The following CRYZL1 variants were observed in gnomAD, a reference collection of about 807,000 sequenced individuals.
CRYZL1 encodes the protein crystallin zeta like 1, also known as ferry endosomal RAB5 effector complex subunit 4.
CRYZL1 carries 34 observed loss-of-function variants against 50.6 expected under a neutral mutation model. That is an observed-to-expected ratio of 0.67 (90% CI 0.51 to 0.89). The LOEUF (loss-of-function observed/expected upper bound fraction) is 0.89. CRYZL1 is among the 40% of genes least tolerant of loss of function. The probability of loss-of-function intolerance (pLI) is 0.00; values close to 1 mark genes in which losing one functional copy is unlikely to be tolerated. For synonymous variants in CRYZL1, 125 were observed against 134.3 expected (o/e 0.93, Z 0.48); for missense variants, 354 against 402.3 (o/e 0.88, Z 1.03).
chr21:33,640,106 G>T, intron 1 of CRYZL1: 1 of 1,537,870 alleles, frequency 6.5e-7, no homozygotes, highest in Non-Finnish European at 8.7e-7. Flanking sequence ...GATTACAGGC[G>T]TGAGCCACCA....
Position 33,613,556 on chromosome 21 carries a change from C to T in CRYZL1, c.313G>A (p.Val105Ile). ...EDPGLCEVVR[V>I]HEHYLVHKPE... is the part of the protein sequence containing the mutation. The stretch of plus-strand genomic sequence containing the variant: ...TACATACCCAAGTAATGCTCATGTA[C>T]TCTAACAACTTCACAAAGTCCAGGG... The change falls in exon 6 of 13, where the codon GTA (valine) becomes ATA (isoleucine). Residue 105 changes from valine (V) to isoleucine (I), a missense_variant. By Grantham distance (29) the Val-to-Ile change is conservative. Coordinates refer to ENST00000381554, the MANE Select transcript of CRYZL1 (RefSeq NM_145858.3). The T allele has an allele frequency of 6.2e-7, 1 of 1,612,422 alleles. No individual in the cohort carries two copies.
intron 1 of CRYZL1, among the ~76,000 whole-genome samples, chr21:33,632,549 TG>T (rs2087154011): frequency 6.6e-6 from 1 of 151,726 alleles, no homozygotes; most frequent in Non-Finnish European, 1.5e-5. Flanking sequence ...GGCTAAATTT[TG>T]TATTTTTAGT....
intron 2 of CRYZL1, among the ~76,000 whole-genome samples, chr21:33,629,188 G>A (rs2087108368): frequency 6.6e-6 from 1 of 152,128 alleles, no homozygotes; most frequent in Non-Finnish European, 1.5e-5. Flanking sequence ...TTGCGCCACT[G>A]TATTCCAGTG....
chr21:33,626,831 A>T, intron 2 of CRYZL1, among the ~76,000 whole-genome samples: 1 of 152,212 alleles, frequency 6.6e-6, no homozygotes, highest in South Asian at 2.1e-4. Flanking sequence ...ACTAATAATT[A>T]AATCAGTCTC....
At chr21:33,635,812 C>G (rs974086272) in intron 1 of CRYZL1, among the ~76,000 whole-genome samples, 8 of 151,836 alleles carry the variant, frequency 5.3e-5, no homozygotes, top group Non-Finnish European at 8.8e-5. Context: ...GAAATCCTGT[C>G]TCTACTAAAA....
chr21:33,625,157 G>A (rs1411722026), intron 2 of CRYZL1, among the ~76,000 whole-genome samples: 2 of 150,840 alleles, frequency 1.3e-5, no homozygotes, highest in African/African-American at 4.9e-5. Flanking sequence ...AACCTTTACT[G>A]ATTTTTTTTT....
At chr21:33,616,599 T>C in intron 5 of CRYZL1, 107 bp downstream of exon 5, 1 of 1,576,570 alleles carries the variant, frequency 6.3e-7, no homozygotes, top group Non-Finnish European at 8.6e-7. Context: ...GCCGGGAAAG[T>C]ACTTCTATAT....
In CRYZL1 at chr21:33,599,180, G is replaced by GGCC. The variant is rs1370986168; in HGVS notation, c.643_645dup (p.Gly215dup). ...GCATCTAGGACAATATCTACTCCCAGGCCACCTGTTTCTTCCAAACAGCTT... is the reference window on the plus strand; with the variant it reads ...GCATCTAGGACAATATCTACTCCCAGGCCGCCACCTGTTTCTTCCAAACAGCTT... On this transcript the variant is annotated inframe_insertion, in exon 9 of 13. Coordinates refer to ENST00000381554, the MANE Select transcript of CRYZL1 (RefSeq NM_145858.3). 1 of 1,613,942 alleles carries GGCC rather than the reference G, an allele frequency of 6.2e-7. No homozygotes were observed. The highest frequency in any genetic ancestry group is 2.2e-5 in the East Asian group (1 of 44,864).
At chr21:33,638,236 G>A (rs1451217477) in intron 1 of CRYZL1, among the ~76,000 whole-genome samples, 2 of 136,872 alleles carry the variant, frequency 1.5e-5, no homozygotes, top group African/African-American at 5.7e-5. Flanking sequence ...TTTTTGATAC[G>A]GAGTTTTGCT....
chr21:33,598,049 T>C (rs1478701159), intron 9 of CRYZL1, among the ~76,000 whole-genome samples: 3 of 152,208 alleles, frequency 2.0e-5, no homozygotes, highest in Admixed American at 2.0e-4. Context: ...TTGTAATTTA[T>C]TGTAAATCTA....
intron 5 of CRYZL1, 98 bp downstream of exon 5, chr21:33,616,608 A>G (rs1483504161): frequency 1.9e-6 from 3 of 1,587,198 alleles, no homozygotes; most frequent in Non-Finnish European, 2.6e-6. Context: ...GTACTTCTAT[A>G]TGAAGCAAGG....
chr21:33,613,415 T>G (rs1384655327), intron 6 of CRYZL1, 123 bp downstream of exon 6: 1 of 624,208 alleles, frequency 1.6e-6, no homozygotes, highest in Admixed American at 2.9e-5. Context: ...CATACATGAC[T>G]GGCTAATGAT....
At chr21:33,595,321 G>A in intron 11 of CRYZL1, 2 of 1,126,754 alleles carry the variant, frequency 1.8e-6, no homozygotes, top group Non-Finnish European at 2.3e-6. Flanking sequence ...AAATGTTTCT[G>A]TGCAATGGCA....
intron 1 of CRYZL1, among the ~76,000 whole-genome samples, chr21:33,633,113 G>A (rs2087160543): frequency 6.6e-6 from 1 of 152,160 alleles, no homozygotes; most frequent in Non-Finnish European, 1.5e-5. Flanking sequence ...TAAACAAATT[G>A]CTATTTATCC....
In CRYZL1 at chr21:33,589,669, T is replaced by A; in HGVS notation, c.*153A>T. On this transcript the variant is annotated 3_prime_UTR_variant, in exon 13 of 13. Transcript: ENST00000381554. Reference sequence around the variant, plus strand: ...AAGAATTTTTCAAACACTTTTCAAATGTGTCAACTGAGCATCTTGTCTTAG... The same window carrying A: ...AAGAATTTTTCAAACACTTTTCAAAAGTGTCAACTGAGCATCTTGTCTTAG... 1.7e-6 allele frequency: 1 copy of A among 589,072 alleles called. No individual in the cohort carries two copies. Among genetic ancestry groups the A allele is most frequent in the East Asian group, 2.9e-5 (1 of 34,458 alleles). The allele number at this position is 589,072 out of a possible 1,614,324, so 36.5% of individuals were successfully genotyped here. A position where few individuals can be genotyped will look rare whatever the true frequency, so the allele number is the denominator to read the frequency against.
At chr21:33,609,801 C>T (rs2086850562) in intron 6 of CRYZL1, among the ~76,000 whole-genome samples, 1 of 151,398 alleles carries the variant, frequency 6.6e-6, no homozygotes, top group African/African-American at 2.4e-5. Flanking sequence ...CTCCCAGGTT[C>T]ACGCCATTCT....
chr21:33,597,011 A>G (rs193107592), intron 10 of CRYZL1, among the ~76,000 whole-genome samples: 22 of 152,120 alleles, frequency 1.4e-4, no homozygotes, highest in African/African-American at 4.3e-4. Flanking sequence ...CTGGGAATAT[A>G]AGCCTGTGCC....
chr21:33,599,125 G>C (rs770828350), intron 9 of CRYZL1, 25 bp downstream of exon 9: 4 of 1,608,006 alleles, frequency 2.5e-6, no homozygotes, highest in Admixed American at 3.4e-5. Flanking sequence ...AACTACACAG[G>C]CTACTAATTT....
At chr21:33,621,343 T>G (rs1198812697) in intron 4 of CRYZL1, among the ~76,000 whole-genome samples, 3 of 151,414 alleles carry the variant, frequency 2.0e-5, no homozygotes, top group African/African-American at 7.3e-5. Context: ...TTTTTCAAAT[T>G]AATAGATTTT....
Sources: allele counts gnomAD v4.1 joint callset (sites outside exome capture counted in the v4.1 genomes callset), GRCh38; gene constraint gnomAD v4.1.1; transcripts MANE v1.5; gene names NCBI Gene and HGNC (gene_info 2026-07-23, HGNC 2026-07-21).